Variants in PHF19 observed in about 807,000 individuals in gnomAD.
PHF19 encodes the protein polycomb like 3.
Under a neutral mutation model 79.8 loss-of-function variants are expected in PHF19, and 21 were observed. That is an observed-to-expected ratio of 0.26 (90% confidence interval 0.19 to 0.38). The LOEUF (loss-of-function observed/expected upper bound fraction) is 0.38, where lower values mean the gene tolerates loss of function less well. PHF19 is among the 10% of genes least tolerant of loss of function. PHF19 has a pLI of 1.00. For synonymous variants in PHF19, 273 were observed against 296.3 expected (o/e 0.92, Z 0.81); for missense variants, 445 against 744.2 (o/e 0.60, Z 4.68).
chr9:120,862,782 G>C lies in PHF19; in HGVS notation c.969-33C>G. 6.2e-7 allele frequency: 1 copy of C among 1,608,260 alleles called. No individual in the cohort carries two copies. The highest frequency in any genetic ancestry group is 1.1e-5 in the South Asian group (1 of 90,882). ...TGGGCAGTGGGAGGAAGAAGCTCTG[G>C]AGTCTGTCAGTCCATCCTCCTGGGG... On this transcript the variant is annotated intron_variant, in intron 10 of 14. Coordinates refer to ENST00000373896, the MANE Select transcript of PHF19 (RefSeq NM_015651.3). The surrounding 1 kb of genome is among the most constrained non-coding windows in gnomAD (Gnocchi z 4.6).
chr9:120,872,153 A>G (rs2045922865), intron 3 of PHF19, among the ~76,000 whole-genome samples: 1 of 150,990 alleles, frequency 6.6e-6, no homozygotes, highest in Non-Finnish European at 1.5e-5. Context: ...TGTTGAATAT[A>G]TGGCCAGGCA....
In PHF19 at chr9:120,866,813, C is replaced by T. The variant is rs573369344; in HGVS notation, c.710+57G>A. 3.3e-6 allele frequency: 3 copies of T among 920,430 alleles called. No homozygotes were observed. The highest frequency in any genetic ancestry group is 3.5e-5 in the Admixed American group (2 of 57,666). 57.0% of individuals were successfully genotyped at this position (920,430 alleles called of 1,614,324 possible). On this transcript the variant is annotated intron_variant, in intron 7 of 14. Coordinates refer to ENST00000373896, the MANE Select transcript of PHF19 (RefSeq NM_015651.3). The surrounding 1 kb of genome is among the most constrained non-coding windows in gnomAD (Gnocchi z 5.2). ...GTCAACCTGCAGGAGTTGTTGCTGCCATCCCTGCCCTCTCCCCACCACGCC... is the reference window on the plus strand; with the variant it reads ...GTCAACCTGCAGGAGTTGTTGCTGCTATCCCTGCCCTCTCCCCACCACGCC...
rs756767337 is a variant in PHF19, at chr9:120,873,960, A to T, written c.268+19T>A. 21 of 1,397,308 alleles carry T rather than the reference A, an allele frequency of 1.5e-5. No homozygotes were observed. In the African/African-American group the frequency reaches 3.0e-4, roughly 20 times the overall value. The allele number at this position is 1,397,308 out of a possible 1,614,324, so 86.6% of individuals were successfully genotyped here. Reference sequence around the variant, plus strand: ...ACCTGGGGAGGTTGGGGGCTACCCGAAATGTTAGGAAAACTCACCATGCTG... The same window carrying T: ...ACCTGGGGAGGTTGGGGGCTACCCGTAATGTTAGGAAAACTCACCATGCTG... On this transcript the variant is annotated intron_variant, in intron 3 of 14. Coordinates refer to ENST00000373896, the MANE Select transcript of PHF19 (RefSeq NM_015651.3).
intron 1 of PHF19, among the ~76,000 whole-genome samples, chr9:120,890,295 T>C (rs2046324701): frequency 1.4e-5 from 2 of 140,506 alleles, no homozygotes; most frequent in Non-Finnish European, 3.2e-5. Context: ...TTTTTTTTTT[T>C]CCTGTTAACG....
chr9:120,863,643 A>G (rs1156932216), intron 10 of PHF19, among the ~76,000 whole-genome samples: 1 of 152,140 alleles, frequency 6.6e-6, no homozygotes, highest in Non-Finnish European at 1.5e-5. Flanking sequence ...TCTGTGGTGT[A>G]GTGAGGGACA....
chr9:120,866,145 C>A lies in PHF19; in HGVS notation c.711-49G>T. ...CCTATGGTGGGAGGGGCTCTGACACCCCCACCCCAGTCCAGCCCCTTGATC... is the reference window on the plus strand; with the variant it reads ...CCTATGGTGGGAGGGGCTCTGACACACCCACCCCAGTCCAGCCCCTTGATC... On this transcript the variant is annotated intron_variant, in intron 7 of 14. Coordinates refer to ENST00000373896, the MANE Select transcript of PHF19 (RefSeq NM_015651.3). The surrounding 1 kb of genome is among the most constrained non-coding windows in gnomAD (Gnocchi z 5.2). 1 of 1,308,370 alleles carries A rather than the reference C, an allele frequency of 7.6e-7. No individual in the cohort carries two copies. Among genetic ancestry groups the A allele is most frequent in the South Asian group, 1.2e-5 (1 of 84,994 alleles). 81.0% of individuals were successfully genotyped at this position (1,308,370 alleles called of 1,614,324 possible). A position where few individuals can be genotyped will look rare whatever the true frequency, so the allele number is the denominator to read the frequency against.
chr9:120,883,980 C>A (rs779871256), intron 1 of PHF19, among the ~76,000 whole-genome samples: 1 of 152,110 alleles, frequency 6.6e-6, no homozygotes, highest in Non-Finnish European at 1.5e-5. Context: ...ACTCGGTAAC[C>A]TAGGATGGGT....
In PHF19 at chr9:120,869,786, T is replaced by C; in HGVS notation, c.465+59A>G. 1 of 1,609,450 alleles carries C rather than the reference T, an allele frequency of 6.2e-7. No homozygotes were observed. Among genetic ancestry groups the C allele is most frequent in the Admixed American group, 1.7e-5 (1 of 59,368 alleles). ...GCTCAGACTCTGTGATGGGAGTCTC[T>C]GGTCTGCCCCACTGGAGGAGGCAGG... On this transcript the variant is annotated intron_variant, in intron 5 of 14. Coordinates refer to ENST00000373896, the MANE Select transcript of PHF19 (RefSeq NM_015651.3). The surrounding 1 kb of genome is among the most constrained non-coding windows in gnomAD (Gnocchi z 5.8).
Position 120,860,410 on chromosome 9 carries a change from G to A in PHF19, c.1305-225C>T. ...GCACCCTCCCCTGGCGGTGACGTAA[G>A]CACTGGTGTCAATAACTCGAGCGTG... On this transcript the variant is annotated intron_variant, in intron 13 of 14. Coordinates refer to ENST00000373896, the MANE Select transcript of PHF19 (RefSeq NM_015651.3). The surrounding 1 kb of genome is among the most constrained non-coding windows in gnomAD (Gnocchi z 4.1). 1 of 524,304 alleles carries A rather than the reference G, an allele frequency of 1.9e-6. No homozygotes were observed. The highest frequency in any genetic ancestry group is 3.5e-6 in the Non-Finnish European group (1 of 287,836). 32.5% of individuals were successfully genotyped at this position (524,304 alleles called of 1,614,324 possible).
At chr9:120,894,690 A>G (rs1296631131) in intron 1 of PHF19, 8 of 453,752 alleles carry the variant, frequency 1.8e-5, no homozygotes, top group Non-Finnish European at 2.7e-5. Context: ...GCGCCGCTCA[A>G]TGCGTTCCAT....
Position 120,869,255 on chromosome 9 carries a change from C to T in PHF19, c.541G>A (p.Glu181Lys). The T allele has an allele frequency of 6.2e-7, 1 of 1,612,712 alleles. No individual in the cohort carries two copies. The highest frequency in any genetic ancestry group is 8.5e-7 in the Non-Finnish European group (1 of 1,179,644). Residue 181 changes from glutamate to lysine, a missense_variant, in exon 6 of 15, where the codon GAG becomes AAG. Coordinates refer to ENST00000373896, the MANE Select transcript of PHF19 (RefSeq NM_015651.3). The surrounding 1 kb of genome is among the most constrained non-coding windows in gnomAD (Gnocchi z 5.8). Reference sequence around the variant, plus strand: ...TGGGGCGAGTCCCACTCGAGCTCCTCGGGCTGGTAGGACAGCACCATCTTC... The same window carrying T: ...TGGGGCGAGTCCCACTCGAGCTCCTTGGGCTGGTAGGACAGCACCATCTTC... ...AVKMVLSYQP[E>K]ELEWDSPHRT...
chr9:120,896,583 C>A (rs1002088816), upstream of PHF19, among the ~76,000 whole-genome samples: 3 of 151,540 alleles, frequency 2.0e-5, no homozygotes, highest in Admixed American at 1.3e-4. Flanking sequence ...TCCCGTGTAG[C>A]TGGGACTACA....
upstream of PHF19, among the ~76,000 whole-genome samples, chr9:120,877,482 A>G (rs1278326285): frequency 6.7e-6 from 1 of 148,414 alleles, no homozygotes; most frequent in Non-Finnish European, 1.5e-5. Context: ...CGCGGCCACT[A>G]GCCAGGACCC....
At position 120,864,070 on chromosome 9, in the gene PHF19, G is replaced by A; in HGVS notation, c.947C>T (p.Ala316Val). 3 of 1,613,946 alleles carry A rather than the reference G, an allele frequency of 1.9e-6. No homozygotes were observed. Among genetic ancestry groups the A allele is most frequent in the Non-Finnish European group, 2.5e-6 (3 of 1,179,926 alleles). ...VTDRGPHLLN[A>V]LNSYKSRFLC... is the part of the protein sequence containing the mutation. ...GCACCGGCTTTTATAACTGTTCAGAGCGTTGAGGAGATGTGGTCCTCGATC... is the reference window on the plus strand; with the variant it reads ...GCACCGGCTTTTATAACTGTTCAGAACGTTGAGGAGATGTGGTCCTCGATC... The change falls in exon 10 of 15, where the codon GCT becomes GTT. Residue 316 changes from alanine (A) to valine (V), a missense_variant. This residue lies in a region of PHF19 where 167 missense variants were observed against 375.8 expected (regional missense o/e 0.44). Transcript: ENST00000373896.
intron 1 of PHF19, among the ~76,000 whole-genome samples, chr9:120,888,162 A>AG (rs978126098): frequency 1.3e-5 from 2 of 152,062 alleles, no homozygotes; most frequent in Admixed American, 6.6e-5. Flanking sequence ...TTTAGTAGAG[A>AG]GGGGGGTTTC....
Position 120,869,762 on chromosome 9 carries a change from C to T in PHF19, c.465+83G>A, listed in dbSNP as rs759868055. ...CCAGGTGTGGCCCTTCTGCTTGGAGCTCAGACTCTGTGATGGGAGTCTCTG... is the reference window on the plus strand; with the variant it reads ...CCAGGTGTGGCCCTTCTGCTTGGAGTTCAGACTCTGTGATGGGAGTCTCTG... On this transcript the variant is annotated intron_variant, in intron 5 of 14. Coordinates refer to ENST00000373896, the MANE Select transcript of PHF19 (RefSeq NM_015651.3). This position sits in a 1 kb window ranked among gnomAD's most constrained non-coding sequence, Gnocchi z 5.8. The T allele has an allele frequency of 6.3e-7, 1 of 1,597,870 alleles. No individual in the cohort carries two copies. The highest frequency in any genetic ancestry group is 8.5e-7 in the Non-Finnish European group (1 of 1,172,486).
Position 120,866,751 on chromosome 9 carries a change from ACATTGTCACAGACCTCCT to A in PHF19, c.710+101_710+118del. ...CTGCCTCCAGTAAACAGGTAGGCAT[ACATTGTCACAGACCTCCT>A]CTTGTCTGGAGCCTGGCAGTCAACC... is the stretch of plus-strand genomic sequence containing the variant. On this transcript the variant is annotated intron_variant, in intron 7 of 14. Transcript: ENST00000373896. This position sits in a 1 kb window ranked among gnomAD's most constrained non-coding sequence, Gnocchi z 5.2. 1 of 669,732 alleles carries A rather than the reference ACATTGTCACAGACCTCCT, an allele frequency of 1.5e-6. No homozygotes were observed. The highest frequency in any genetic ancestry group is 2.8e-6 in the Non-Finnish European group (1 of 358,918). 41.5% of individuals were successfully genotyped at this position (669,732 alleles called of 1,614,324 possible).
chr9:120,863,041 G>C, intron 10 of PHF19: 1 of 394,544 alleles, frequency 2.5e-6, no homozygotes, highest in East Asian at 5.5e-5. Flanking sequence ...CCTGCAGGAA[G>C]CCCTCCTCCA....
chr9:120,877,090 CCGCGA>C lies in PHF19; in HGVS notation c.-20_-16del, dbSNP rs1446308065. On this transcript the variant is annotated splice_region_variant and 5_prime_UTR_variant, in exon 1 of 15. Transcript: ENST00000373896. Reference sequence around the variant, plus strand: ...AGTCCGCCCAACAGCGCAGAACTCACCGCGAGGCTGCGTGTCCGCCGGTCCCACTT... The same window carrying C: ...AGTCCGCCCAACAGCGCAGAACTCACGGCTGCGTGTCCGCCGGTCCCACTT... 16 of 985,218 alleles carry C rather than the reference CCGCGA, an allele frequency of 1.6e-5. No individual in the cohort carries two copies. The highest frequency in any genetic ancestry group is 9.6e-6 in the Non-Finnish European group (8 of 829,902). 61.0% of individuals were successfully genotyped at this position (985,218 alleles called of 1,614,324 possible).
Sources: gnomAD v4.1 joint callset for allele counts (sites outside exome capture counted in the v4.1 genomes callset) on GRCh38, gnomAD v4.1.1 for gene constraint, gnomAD v4.1.1 regional missense constraint, Gnocchi (gnomAD v3.1) non-coding constraint, MANE v1.5 for transcripts, NCBI Gene and HGNC (gene_info 2026-07-23, HGNC 2026-07-21) for gene names.